Variants in PAK5 observed in about 807,000 individuals in gnomAD.
PAK5 encodes the protein serine/threonine-protein kinase PAK 5.
A neutral mutation model predicts 65.9 loss-of-function variants in PAK5; 16 were observed. That is an observed-to-expected ratio of 0.24 (90% CI 0.16 to 0.37). The LOEUF is 0.37. Among genes scored for constraint, PAK5 ranks in the 10% least tolerant of loss-of-function variants. The probability of loss-of-function intolerance (pLI) is 1.00; values close to 1 mark genes in which losing one functional copy is unlikely to be tolerated. For missense variants in PAK5, 785 were observed against 903.9 expected (o/e 0.87, Z 1.69); for synonymous variants, 371 against 354.9 (o/e 1.05, Z -0.51).
At chr20:9,585,101 A>T (rs2046046142) in intron 3 of PAK5, among the ~76,000 whole-genome samples, 1 of 152,178 alleles carries the variant, frequency 6.6e-6, no homozygotes. Context: ...TTTTTTTCAT[A>T]TTCAATGTTA....
chr20:9,683,875 G>A (rs2047682971), intron 2 of PAK5, among the ~76,000 whole-genome samples: 1 of 152,148 alleles, frequency 6.6e-6, no homozygotes, highest in Admixed American at 6.6e-5. Context: ...GTGACTGAGT[G>A]AGGCCAGTGA....
At chr20:9,818,543 T>C (rs2049384478) in intron 1 of PAK5, 1 of 152,190 alleles carries the variant, frequency 6.6e-6, no homozygotes, top group Non-Finnish European at 1.5e-5. Flanking sequence ...TGGAGACTGA[T>C]AATCTGCAAA....
chr20:9,807,502 AATAC>A (rs1243714933), intron 1 of PAK5, among the ~76,000 whole-genome samples: 1 of 152,050 alleles, frequency 6.6e-6, no homozygotes, highest in Non-Finnish European at 1.5e-5. Context: ...CAATCCCACT[AATAC>A]ATACATACTC....
rs374351537 is a variant in PAK5 at position 9,827,883 on chromosome 20, G to T, written c.-162+10879C>A. Among the ~76,000 whole-genome samples the T allele has an allele frequency of 1.3e-3, 198 of 152,318 alleles. 1 individual carries two copies. The highest frequency in any genetic ancestry group is 4.2e-3 in the African/African-American group (174 of 41,566). ...GTCTTGCTTTGTCGCCCAGGCTGGA[G>T]TGCAGTGGCGTGATCTCAGCTCACT... On this transcript the variant is annotated intron_variant, in intron 1 of 9. Transcript: ENST00000353224.
chr20:9,637,460 AC>A (rs1233689050), intron 3 of PAK5, among the ~76,000 whole-genome samples: 1 of 151,992 alleles, frequency 6.6e-6, no homozygotes, highest in Non-Finnish European at 1.5e-5. Context: ...AGTCTGAGGA[AC>A]CCCCCATAGG....
chr20:9,606,055 A>C (rs1305169705), intron 3 of PAK5, among the ~76,000 whole-genome samples: 1 of 152,144 alleles, frequency 6.6e-6, no homozygotes, highest in African/African-American at 2.4e-5. Flanking sequence ...TCCCTGCCCA[A>C]ATTTCATGTC....
chr20:9,708,994 A>C (rs1473301009), intron 2 of PAK5, among the ~76,000 whole-genome samples: 4 of 151,052 alleles, frequency 2.6e-5, no homozygotes, highest in Non-Finnish European at 5.9e-5. Flanking sequence ...AATAAACACC[A>C]CTCCATTTTT....
At chr20:9,614,935 C>A (rs1406146621) in intron 3 of PAK5, among the ~76,000 whole-genome samples, 2 of 152,148 alleles carry the variant, frequency 1.3e-5, no homozygotes, top group Admixed American at 1.3e-4. Flanking sequence ...AAATTTTTAA[C>A]TTGTTACTCT....
At chr20:9,787,133 A>G (rs2049000837) in intron 1 of PAK5, among the ~76,000 whole-genome samples, 1 of 152,192 alleles carries the variant, frequency 6.6e-6, no homozygotes, top group South Asian at 2.1e-4. Flanking sequence ...GTAAATTCAC[A>G]TATACTCTTA....
chr20:9,690,746 CTTTCTTTTTTTTTTT>C (rs1389547013), intron 2 of PAK5, among the ~76,000 whole-genome samples: 1 of 117,938 alleles, frequency 8.5e-6, no homozygotes, highest in Non-Finnish European at 1.7e-5. Flanking sequence ...TTCTTTCTTT[CTTTCTTTTTTTTTTT>C]TTTTTTTTTT....
intron 3 of PAK5, among the ~76,000 whole-genome samples, chr20:9,581,279 C>T (rs2045976255): frequency 6.6e-6 from 1 of 152,170 alleles, no homozygotes; most frequent in Non-Finnish European, 1.5e-5. Context: ...GCCCTAACCA[C>T]CTAATGATGA....
intron 1 of PAK5, among the ~76,000 whole-genome samples, chr20:9,715,065 A>G (rs575060932): frequency 8.5e-5 from 13 of 152,320 alleles, no homozygotes; most frequent in African/African-American, 2.9e-4. Flanking sequence ...TAAACTAAAG[A>G]TCTTCTGCAC....
intron 1 of PAK5, among the ~76,000 whole-genome samples, chr20:9,771,676 C>T (rs981348796): frequency 6.7e-6 from 1 of 148,390 alleles, no homozygotes; most frequent in Non-Finnish European, 1.5e-5. Flanking sequence ...CTGTATCAGC[C>T]TCTCAAAGTG....
chr20:9,569,165 A>T (rs968885003), intron 4 of PAK5, among the ~76,000 whole-genome samples: 2 of 152,208 alleles, frequency 1.3e-5, no homozygotes, highest in Non-Finnish European at 2.9e-5. Context: ...TTGCTTCATG[A>T]GGCAGTTTGT....
intron 1 of PAK5, among the ~76,000 whole-genome samples, chr20:9,747,008 C>A (rs2048516222): frequency 6.6e-6 from 1 of 152,036 alleles, no homozygotes; most frequent in African/African-American, 2.4e-5. Flanking sequence ...GGGATATCAC[C>A]ACCGATCCCA....
chr20:9,586,937 C>T (rs897009836), intron 3 of PAK5, among the ~76,000 whole-genome samples: 2 of 152,148 alleles, frequency 1.3e-5, no homozygotes, highest in Admixed American at 6.5e-5. Context: ...GCTTATAGCA[C>T]TTATGAGATA....
At chr20:9,722,354 T>C (rs973693017) in intron 1 of PAK5, among the ~76,000 whole-genome samples, 1 of 152,044 alleles carries the variant, frequency 6.6e-6, no homozygotes, top group African/African-American at 2.4e-5. Context: ...GCGTCGTGGC[T>C]GACGCCTGTA....
chr20:9,836,178 C>CCCTCTG (rs1979133174), intron 1 of PAK5, among the ~76,000 whole-genome samples: 1 of 151,390 alleles, frequency 6.6e-6, no homozygotes, highest in South Asian at 2.1e-4. Flanking sequence ...TCTATCTTTA[C>CCCTCTG]CTCTTATGCT....
At chr20:9,599,804 A>AT (rs1364290699) in intron 3 of PAK5, among the ~76,000 whole-genome samples, 9 of 152,136 alleles carry the variant, frequency 5.9e-5, no homozygotes, top group Non-Finnish European at 1.2e-4. Flanking sequence ...TATTCTACGG[A>AT]TTTTCACTCT....
Sources: allele counts gnomAD v4.1 joint callset (sites outside exome capture counted in the v4.1 genomes callset), GRCh38; gene constraint gnomAD v4.1.1; transcripts MANE v1.5; gene names NCBI Gene and HGNC (gene_info 2026-07-23, HGNC 2026-07-21).